Variants in NCAM2 observed in about 807,000 individuals in gnomAD.
The protein encoded by NCAM2 is neural cell adhesion molecule 2.
Under a neutral mutation model 98.1 loss-of-function variants are expected in NCAM2, and 30 were observed. That is an observed-to-expected ratio of 0.31 (90% CI 0.23 to 0.41). The LOEUF (loss-of-function observed/expected upper bound fraction) is 0.41, where lower values mean the gene tolerates loss of function less well. Among genes scored for constraint, NCAM2 ranks in the 10% least tolerant of loss-of-function variants. The probability of loss-of-function intolerance (pLI) is 1.00; values close to 1 mark genes in which losing one functional copy is unlikely to be tolerated. For missense variants in NCAM2, 867 were observed against 1,005.8 expected, an observed-to-expected ratio of 0.86 and a Z score of 1.87; for synonymous variants, 368 against 342.4, an observed-to-expected ratio of 1.07 and a Z score of -0.83.
In NCAM2 at chr21:21,208,558, A is replaced by G. The variant is rs543584786; in HGVS notation, c.56-72020A>G. Among the ~76,000 whole-genome samples the G allele has an allele frequency of 4.2e-4, 64 of 152,286 alleles. No homozygotes were observed. The South Asian group carries it at 0.013, about 32-fold the overall frequency. On this transcript the variant is annotated intron_variant, in intron 1 of 17. Coordinates refer to ENST00000400546, the MANE Select transcript of NCAM2 (RefSeq NM_004540.5). ...TTTATTTTAGCTTCTTTATGGTAAA[A>G]TATACATGGTTGTAAGTTTCAGCTT...
intron 12 of NCAM2, among the ~76,000 whole-genome samples, chr21:21,444,997 G>A (rs1232398319): frequency 6.6e-6 from 1 of 152,076 alleles, no homozygotes; most frequent in Non-Finnish European, 1.5e-5. Flanking sequence ...TCTTAACATT[G>A]CTTTAGCTGT....
At chr21:21,532,912 C>A (rs1403539813) in intron 16 of NCAM2, among the ~76,000 whole-genome samples, 1 of 152,052 alleles carries the variant, frequency 6.6e-6, no homozygotes, top group African/African-American at 2.4e-5. Flanking sequence ...GAATCACTGT[C>A]TCTTACAGAC....
chr21:21,474,113 T>A (rs1010349254), intron 14 of NCAM2, among the ~76,000 whole-genome samples: 4 of 151,994 alleles, frequency 2.6e-5, no homozygotes, highest in Admixed American at 1.3e-4. Flanking sequence ...TTAGACACTC[T>A]ACAGATATGC....
chr21:21,279,171 G>C (rs1461303117), intron 1 of NCAM2, among the ~76,000 whole-genome samples: 5 of 152,162 alleles, frequency 3.3e-5, no homozygotes, highest in African/African-American at 1.2e-4. Context: ...CAAAGAACAC[G>C]TTTATAATTA....
At chr21:21,181,631 C>G (rs951769373) in intron 1 of NCAM2, among the ~76,000 whole-genome samples, 1 of 152,196 alleles carries the variant, frequency 6.6e-6, no homozygotes, top group African/African-American at 2.4e-5. Context: ...AGGGCCTTTA[C>G]ACTTTCTGAA....
At chr21:21,039,257 T>G (rs1266841306) in intron 1 of NCAM2, among the ~76,000 whole-genome samples, 1 of 152,172 alleles carries the variant, frequency 6.6e-6, no homozygotes, top group East Asian at 1.9e-4. Flanking sequence ...GAGATCAAGT[T>G]TTTAATCTTT....
chr21:21,527,732 T>A (rs7275209), intron 16 of NCAM2, among the ~76,000 whole-genome samples: 7,950 of 152,222 alleles, frequency 0.052, 706 homozygotes, highest in African/African-American at 0.18. Context: ...CAACAGGACA[T>A]CTCATTCATT....
chr21:21,364,109 T>C (rs2148007186), intron 8 of NCAM2, among the ~76,000 whole-genome samples: 1 of 152,222 alleles, frequency 6.6e-6, no homozygotes, highest in East Asian at 1.9e-4. Flanking sequence ...ACTTTTAGTT[T>C]TTAGCCACTC....
chr21:21,139,008 TC>T, intron 1 of NCAM2, among the ~76,000 whole-genome samples: 1 of 152,340 alleles, frequency 6.6e-6, no homozygotes. Context: ...ACATCTGGAT[TC>T]CCTGAACCTG....
At chr21:21,323,612 C>A (rs1419816709) in intron 5 of NCAM2, among the ~76,000 whole-genome samples, 1 of 152,076 alleles carries the variant, frequency 6.6e-6, no homozygotes, top group African/African-American at 2.4e-5. Context: ...ATTGTGGATG[C>A]TAGTGATTTG....
chr21:21,450,823 CACACACACACAT>C (rs1225090294), intron 12 of NCAM2, among the ~76,000 whole-genome samples: 2 of 144,078 alleles, frequency 1.4e-5, no homozygotes, highest in African/African-American at 5.1e-5. Flanking sequence ...CACACACACA[CACACACACACAT>C]ATCTCCTGTC....
chr21:20,999,432 T>G (rs987843341), intron 1 of NCAM2, among the ~76,000 whole-genome samples: 2 of 152,126 alleles, frequency 1.3e-5, no homozygotes, highest in Non-Finnish European at 2.9e-5. Context: ...TCTAGAGAGA[T>G]AGATATGAAT....
intron 1 of NCAM2, among the ~76,000 whole-genome samples, chr21:21,210,988 A>T (rs890491158): frequency 1.4e-5 from 2 of 146,180 alleles, no homozygotes; most frequent in Non-Finnish European, 3.0e-5. Flanking sequence ...ACACACACAC[A>T]CACACACACA....
At chr21:21,049,155 G>A (rs1426154431) in intron 1 of NCAM2, among the ~76,000 whole-genome samples, 1 of 134,040 alleles carries the variant, frequency 7.5e-6, no homozygotes, top group African/African-American at 2.7e-5. Flanking sequence ...AGTAGGCTGG[G>A]ACTACAGGCG....
intron 10 of NCAM2, 46 bp from the exon 11 acceptor site, chr21:21,418,427 C>A (rs771585865): frequency 1.4e-6 from 2 of 1,419,654 alleles, no homozygotes; most frequent in South Asian, 1.2e-5. Flanking sequence ...TATAAAACTT[C>A]TGTGATGTTT....
At chr21:21,407,709 T>A (rs2076770535) in intron 9 of NCAM2, among the ~76,000 whole-genome samples, 1 of 152,170 alleles carries the variant, frequency 6.6e-6, no homozygotes, top group African/African-American at 2.4e-5. Flanking sequence ...GTAAATAAAT[T>A]TAAAGATATA....
At chr21:21,086,532 A>G (rs2065908866) in intron 1 of NCAM2, among the ~76,000 whole-genome samples, 1 of 152,192 alleles carries the variant, frequency 6.6e-6, no homozygotes, top group African/African-American at 2.4e-5. Flanking sequence ...CTCTGACACC[A>G]TTTTATTTGT....
chr21:21,453,287 T>C lies in NCAM2; in HGVS notation c.1655-13319T>C, dbSNP rs143952853. 4.2e-3 allele frequency among the ~76,000 whole-genome samples: 631 copies of C among 151,404 alleles called. 9 individuals are homozygous for C. Among genetic ancestry groups the C allele is most frequent in the African/African-American group, 0.014 (595 of 41,294 alleles). On this transcript the variant is annotated intron_variant, in intron 12 of 17. Transcript: ENST00000400546. ...AAAGAGGAGTCAGCAGGGTCTGTGATGTTTAAGCAGAGTCCCATATGAAGT... is the reference window on the plus strand; with the variant it reads ...AAAGAGGAGTCAGCAGGGTCTGTGACGTTTAAGCAGAGTCCCATATGAAGT...
intron 8 of NCAM2, among the ~76,000 whole-genome samples, chr21:21,341,923 A>G (rs748815721): frequency 1.3e-5 from 2 of 152,138 alleles, no homozygotes; most frequent in Non-Finnish European, 2.9e-5. Flanking sequence ...GAGGGGGACA[A>G]TGGTGAACCC....
Sources: allele counts gnomAD v4.1 joint callset (sites outside exome capture counted in the v4.1 genomes callset), GRCh38; gene constraint gnomAD v4.1.1; transcripts MANE v1.5; gene names NCBI Gene and HGNC (gene_info 2026-07-23, HGNC 2026-07-21).